The following ANO7 variants were observed in gnomAD, a reference collection of about 807,000 sequenced individuals.
ANO7 encodes the protein anoctamin-7.
A neutral mutation model predicts 115.8 loss-of-function variants in ANO7; 114 were observed. The ratio of observed to expected loss-of-function variants is 0.98; its 90% CI spans 0.85 to 1.15. The LOEUF (loss-of-function observed/expected upper bound fraction) is 1.15, where lower values mean the gene tolerates loss of function less well. Among genes scored for constraint, ANO7 ranks in the 50% most tolerant of loss-of-function variants. The probability of loss-of-function intolerance (pLI) is 0.00; values close to 1 mark genes in which losing one functional copy is unlikely to be tolerated. For synonymous variants in ANO7, 550 were observed against 498.2 expected (o/e 1.10, Z -1.38); for missense variants, 1,302 against 1,201.2 (o/e 1.08, Z -1.24).
rs2068119550 is a variant in ANO7 at position 241,188,867 on chromosome 2, C to G, written c.-8+101C>G. 5 of 1,463,504 alleles carry G rather than the reference C, an allele frequency of 3.4e-6. No homozygotes were observed. The highest frequency in any genetic ancestry group is 4.6e-6 in the Non-Finnish European group (5 of 1,094,414). The allele number at this position is 1,463,504 out of a possible 1,614,324, so 90.7% of individuals were successfully genotyped here. A position where few individuals can be genotyped will look rare whatever the true frequency, so the allele number is the denominator to read the frequency against. ...CCAGCCCACCGGGACTTTCACACAC[C>G]CTGGCCTGTGGGGAGGCAGTGCCAG... On this transcript the variant is annotated intron_variant, in intron 1 of 24. Transcript: ENST00000674324. This position sits in a 1 kb window ranked among gnomAD's most constrained non-coding sequence, Gnocchi z 4.3.
intron 21 of ANO7, among the ~76,000 whole-genome samples, chr2:241,218,956 A>T: frequency 6.6e-6 from 1 of 152,208 alleles, no homozygotes; most frequent in Admixed American, 6.5e-5. Context: ...TTGTTATTTT[A>T]ACCGCCAGGG....
chr2:241,190,000 C>T (rs1173395413), intron 1 of ANO7, 57 bp from the exon 2 acceptor site: 11 of 1,368,044 alleles, frequency 8.0e-6, no homozygotes, highest in South Asian at 3.8e-5. Flanking sequence ...GCCCCAGGAA[C>T]GGGTCTCACC....
At chr2:241,219,678 C>G (rs944387765) in intron 21 of ANO7, among the ~76,000 whole-genome samples, 1 of 151,620 alleles carries the variant, frequency 6.6e-6, no homozygotes, top group Non-Finnish European at 1.5e-5. Context: ...AGCAATCCTC[C>G]CACCTCAGCT....
At chr2:241,236,497 C>CT in the ANO7 span, 1 of 1,012,086 alleles carries the variant, frequency 9.9e-7, no homozygotes, top group Non-Finnish European at 1.5e-6. Flanking sequence ...AGCAAGAGGG[C>CT]TACCTCCACT....
chr2:241,207,729 C>G, intron 11 of ANO7, 59 bp downstream of exon 11: 1 of 1,513,618 alleles, frequency 6.6e-7, no homozygotes, highest in South Asian at 1.1e-5. Context: ...GAGGGCAGCT[C>G]CCCTTGTCCT....
chr2:241,194,924 G>A (rs1356227920), intron 3 of ANO7, among the ~76,000 whole-genome samples: 4 of 152,196 alleles, frequency 2.6e-5, no homozygotes, highest in Non-Finnish European at 4.4e-5. Context: ...TGTGGCCTGC[G>A]AGTCTCTGCT....
At chr2:241,193,118 G>T (rs1352287238) in intron 3 of ANO7, among the ~76,000 whole-genome samples, 1 of 152,020 alleles carries the variant, frequency 6.6e-6, no homozygotes, top group Non-Finnish European at 1.5e-5. Context: ...TCTCACCCAG[G>T]CTGGAATGCA....
At chr2:241,191,147 G>A (rs747882260) in intron 2 of ANO7, 47 bp from the exon 3 acceptor site, 4 of 1,610,460 alleles carry the variant, frequency 2.5e-6, no homozygotes, top group Non-Finnish European at 3.4e-6. Context: ...AGTTGTCGAG[G>A]GCAGATGCTG....
Position 241,203,367 on chromosome 2 carries a change from C to A in ANO7, c.758C>A (p.Ala253Asp), listed in dbSNP as rs1179329707. 2 of 1,594,490 alleles carry A rather than the reference C, an allele frequency of 1.3e-6. No individual in the cohort carries two copies. The highest frequency in any genetic ancestry group is 8.5e-7 in the Non-Finnish European group (1 of 1,171,626). ...AAGACGCCCCCAGAGGGCCCGCAGG[C>A]TCCACGCCTCAACCAGCGCCAAGTC... is the stretch of plus-strand genomic sequence containing the variant. ...PFKTPPEGPQ[A>D]PRLNQRQVLF... Residue 253 changes from alanine (A) to aspartate (D), a missense_variant, in exon 9 of 25, where the codon GCT becomes GAT. Coordinates refer to ENST00000674324, the MANE Select transcript of ANO7 (RefSeq NM_001370694.2). The surrounding 1 kb of genome is among the most constrained non-coding windows in gnomAD (Gnocchi z 4.8).
the ANO7 span, chr2:241,235,022 C>T: frequency 6.9e-7 from 1 of 1,440,860 alleles, no homozygotes; most frequent in South Asian, 1.3e-5. Context: ...CCAGATGTCG[C>T]TGGGATGCTG....
At position 241,202,198 on chromosome 2, in the gene ANO7, T is replaced by C. The variant is rs766009434; in HGVS notation, c.617T>C (p.Phe206Ser). 30 of 1,613,466 alleles carry C rather than the reference T, an allele frequency of 1.9e-5. No individual in the cohort carries two copies. The highest frequency in any genetic ancestry group is 4.5e-5 in the East Asian group (2 of 44,894). ...CATCCTCCACATCCCCTGCAGCTGT[T>C]TGAGATCCTGGCCAAGACCCCGTAT... is the stretch of plus-strand genomic sequence containing the variant. ...FTSTKRHQILFEILAKTPYGH... is the reference protein window; with the variant it reads ...FTSTKRHQILSEILAKTPYGH... The change falls in exon 8 of 25, where the codon TTT (phenylalanine) becomes TCT (serine). Residue 206 changes from phenylalanine to serine, a missense_variant. By Grantham distance (155) the Phe-to-Ser change is radical. Coordinates refer to ENST00000674324, the MANE Select transcript of ANO7 (RefSeq NM_001370694.2).
the ANO7 span, chr2:241,239,543 G>C: frequency 7.8e-6 from 11 of 1,410,082 alleles, no homozygotes; most frequent in East Asian, 1.1e-4. The surrounding 1 kb of genome is among the most constrained non-coding windows in gnomAD (Gnocchi z 4.6). Context: ...ACTCATACAC[G>C]GCTTCGGTGA....
At chr2:241,205,709 T>C (rs1336786413) in intron 10 of ANO7, among the ~76,000 whole-genome samples, 14 of 45,890 alleles carry the variant, frequency 3.1e-4, no homozygotes, top group Admixed American at 1.2e-3. Context: ...GACAGGAGTG[T>C]TCCCAGTCTG....
Position 241,216,242 on chromosome 2 carries a change from G to A in ANO7, c.1972+4G>A. ...TTTGACGAGTACCTGGAAATGGGTA[G>A]GAGCCCGTTAGCAGCTGCGGCAATG... On this transcript the variant is annotated splice_donor_region_variant and intron_variant, in intron 19 of 24. Transcript: ENST00000674324. 3.8e-6 allele frequency: 6 copies of A among 1,589,326 alleles called. No homozygotes were observed. The highest frequency in any genetic ancestry group is 5.1e-6 in the Non-Finnish European group (6 of 1,169,542).
chr2:241,239,208 G>A, the ANO7 span, among the ~76,000 whole-genome samples: 6 of 152,210 alleles, frequency 3.9e-5, no homozygotes, highest in East Asian at 3.8e-4. This position sits in a 1 kb window ranked among gnomAD's most constrained non-coding sequence, Gnocchi z 4.6. Flanking sequence ...ATGGATTCAC[G>A]TGGATGCCCT....
At position 241,210,496 on chromosome 2, in the gene ANO7, C is replaced by G; in HGVS notation, c.1487C>G (p.Ser496Cys). 1 of 1,614,080 alleles carries G rather than the reference C, an allele frequency of 6.2e-7. No homozygotes were observed. ...WASRIASLTGSVVNLVFILIL... is the reference protein window; with the variant it reads ...WASRIASLTGCVVNLVFILIL... ...TCTCGCATCGCCAGCCTCACGGGGT[C>G]TGTAGTGAACCTCGTCTTCATCCTC... Residue 496 changes from serine (S) to cysteine (C), a missense_variant, in exon 15 of 25, where the codon TCT becomes TGT. By Grantham distance (112) the Ser-to-Cys change is moderately radical. Coordinates refer to ENST00000674324, the MANE Select transcript of ANO7 (RefSeq NM_001370694.2).
At chr2:241,237,193 ACGCAGC>A in the ANO7 span, among the ~76,000 whole-genome samples, 1 of 152,294 alleles carries the variant, frequency 6.6e-6, no homozygotes, top group African/African-American at 2.4e-5. Context: ...GGCGGCCAGC[ACGCAGC>A]CCCACCCAGG....
intron 3 of ANO7, among the ~76,000 whole-genome samples, 173 bp from the exon 4 acceptor site, chr2:241,195,530 C>T (rs1026423894): frequency 6.6e-6 from 1 of 152,206 alleles, no homozygotes; most frequent in African/African-American, 2.4e-5. Context: ...GGAAGTGCTC[C>T]TGGAGTCCTC....
chr2:241,208,595 G>A (rs917494002), intron 11 of ANO7, among the ~76,000 whole-genome samples: 18 of 152,274 alleles, frequency 1.2e-4, no homozygotes, highest in Middle Eastern at 6.8e-3. Context: ...CATATCTTTT[G>A]GGGGCCAGAA....
Sources: gnomAD v4.1 joint callset for allele counts (sites outside exome capture counted in the v4.1 genomes callset) on GRCh38, gnomAD v4.1.1 for gene constraint, Gnocchi (gnomAD v3.1) non-coding constraint, MANE v1.5 for transcripts, NCBI Gene and HGNC (gene_info 2026-07-23, HGNC 2026-07-21) for gene names.